LRRC49: variants seen among roughly 807,000 people sequenced by gnomAD.
The protein encoded by LRRC49 is leucine rich repeat containing 49.
Under a neutral mutation model 83.3 loss-of-function variants are expected in LRRC49, and 50 were observed. That is an observed-to-expected ratio of 0.60 (90% confidence interval 0.48 to 0.76). The LOEUF is 0.76. Among genes scored for constraint, LRRC49 ranks in the 30% least tolerant of loss-of-function variants. LRRC49 has a pLI of 0.00. For synonymous variants in LRRC49, 286 were observed against 283.3 expected (o/e 1.01, Z -0.10); for missense variants, 704 against 809.1 (o/e 0.87, Z 1.58).
Position 70,929,152 on chromosome 15 carries a change from T to C in LRRC49, c.712-7609T>C, listed in dbSNP as rs577712977. ...TTTAAAAATGACCGTAGTTTTTTCT[T>C]TGTAGAAGTTCTACATGAATTTTTT... On this transcript the variant is annotated intron_variant, in intron 7 of 15. Coordinates refer to ENST00000260382, the MANE Select transcript of LRRC49 (RefSeq NM_017691.5). Among the ~76,000 whole-genome samples, 15 of 152,358 alleles carry C rather than the reference T, an allele frequency of 9.8e-5. No homozygotes were observed. In the South Asian group the frequency reaches 3.1e-3, roughly 32 times the overall value.
intron 11 of LRRC49, among the ~76,000 whole-genome samples, chr15:70,995,967 G>T (rs2038062168): frequency 6.6e-6 from 1 of 152,098 alleles, no homozygotes; most frequent in African/African-American, 2.4e-5. Flanking sequence ...TGATGTGGGG[G>T]GTTCAATGGA....
chr15:70,922,009 C>G (rs1038358904), intron 7 of LRRC49, among the ~76,000 whole-genome samples: 2 of 152,026 alleles, frequency 1.3e-5, no homozygotes, highest in East Asian at 3.9e-4. Flanking sequence ...GTCTTATATC[C>G]AAAAGACAGG....
At chr15:70,876,804 C>G (rs1330757002) in intron 2 of LRRC49, among the ~76,000 whole-genome samples, 1 of 152,204 alleles carries the variant, frequency 6.6e-6, no homozygotes, top group Non-Finnish European at 1.5e-5. Flanking sequence ...CCATCTCTAA[C>G]AAATTTAATC....
chr15:70,880,182 T>C (rs904535284), intron 2 of LRRC49, among the ~76,000 whole-genome samples: 1 of 152,200 alleles, frequency 6.6e-6, no homozygotes, highest in African/African-American at 2.4e-5. Context: ...TCTGATCATA[T>C]ATGCTCTCCT....
At chr15:70,893,157 A>G (rs1346273544) in intron 1 of LRRC49, 1 of 617,536 alleles carries the variant, frequency 1.6e-6, no homozygotes, top group African/African-American at 1.8e-5. Context: ...TGGGCTCCCC[A>G]GAAGGTGGAG....
chr15:70,959,536 GGGAAGGAAGGAAGGAAGGAAGGAAGGAA>G (rs375526332), intron 8 of LRRC49, among the ~76,000 whole-genome samples: 1,452 of 79,592 alleles, frequency 0.018, 26 homozygotes, highest in South Asian at 0.053. Flanking sequence ...GAGGAAAGGA[GGGAAGGAAGGAAGGAAGGAAGGAAGGAA>G]GGAAGGAAGG....
chr15:70,939,118 A>C (rs1338012649), intron 8 of LRRC49, among the ~76,000 whole-genome samples: 1 of 152,208 alleles, frequency 6.6e-6, no homozygotes, highest in African/African-American at 2.4e-5. Context: ...AAAAATTTGA[A>C]AAATTCTGTG....
intron 12 of LRRC49, 37 bp downstream of exon 12, chr15:71,008,653 T>C: frequency 6.9e-7 from 1 of 1,455,506 alleles, no homozygotes; most frequent in South Asian, 1.2e-5. Context: ...TTGAATATTC[T>C]TAGTCAATGA....
At chr15:71,006,228 AG>A (rs551372910) in intron 11 of LRRC49, among the ~76,000 whole-genome samples, 57 of 152,322 alleles carry the variant, frequency 3.7e-4, no homozygotes, top group African/African-American at 1.3e-3. Context: ...TTACTTGACA[AG>A]CCCTTTACAC....
intron 7 of LRRC49, among the ~76,000 whole-genome samples, chr15:70,929,554 C>A (rs1173415896): frequency 6.6e-6 from 1 of 152,046 alleles, no homozygotes; most frequent in Admixed American, 6.6e-5. Flanking sequence ...ATGGCTGTGG[C>A]GTAAAACTCA....
intron 14 of LRRC49, among the ~76,000 whole-genome samples, chr15:71,020,576 A>G (rs565965621): frequency 6.6e-6 from 1 of 152,192 alleles, no homozygotes; most frequent in East Asian, 1.9e-4. Context: ...AACAACCAGG[A>G]AAAGAGAAGT....
intron 8 of LRRC49, among the ~76,000 whole-genome samples, chr15:70,944,195 A>G (rs989990973): frequency 2.6e-5 from 4 of 152,202 alleles, no homozygotes; most frequent in South Asian, 2.1e-4. Context: ...AGCTGCTTAC[A>G]TAACTGCACC....
intron 1 of LRRC49, among the ~76,000 whole-genome samples, chr15:70,855,761 G>T (rs1360150164): frequency 6.6e-6 from 1 of 152,176 alleles, no homozygotes; most frequent in Non-Finnish European, 1.5e-5. Context: ...GACCTTTGGT[G>T]CTATTGCTGT....
chr15:71,010,135 AAAAGGCTAAGAATCT>A, intron 13 of LRRC49, 143 bp downstream of exon 13: 1 of 485,012 alleles, frequency 2.1e-6, no homozygotes, highest in Non-Finnish European at 3.5e-6. Context: ...TTAAAATGTC[AAAAGGCTAAGAATCT>A]ATTTTAAAAC....
chr15:70,853,996 C>T, intron 1 of LRRC49: 15 of 1,465,192 alleles, frequency 1.0e-5, no homozygotes, highest in Non-Finnish European at 1.4e-5. Context: ...CCTCGTCCTC[C>T]AACTCGTCCA....
At chr15:70,927,560 T>A (rs2035248147) in intron 7 of LRRC49, among the ~76,000 whole-genome samples, 1 of 152,228 alleles carries the variant, frequency 6.6e-6, no homozygotes, top group Admixed American at 6.5e-5. Flanking sequence ...CCTGTCCCAA[T>A]ATCATGACTA....
intron 1 of LRRC49, chr15:70,859,809 A>T (rs1328604266): frequency 5.3e-6 from 4 of 755,180 alleles, no homozygotes; most frequent in Non-Finnish European, 7.4e-6. Flanking sequence ...GCCAGGCAGG[A>T]TATGGTGTGG....
chr15:70,948,429 G>T (rs1292454397), intron 8 of LRRC49, among the ~76,000 whole-genome samples: 1 of 150,290 alleles, frequency 6.7e-6, no homozygotes, highest in East Asian at 2.0e-4. Flanking sequence ...CTGTTAAAAT[G>T]TACTTGTATT....
chr15:70,888,769 A>C (rs910946619), upstream of LRRC49, among the ~76,000 whole-genome samples: 1 of 152,192 alleles, frequency 6.6e-6, no homozygotes, highest in Non-Finnish European at 1.5e-5. Flanking sequence ...AAGAAAAGAC[A>C]GACAATCCAA....
Sources: gnomAD v4.1 joint callset for allele counts (sites outside exome capture counted in the v4.1 genomes callset) on GRCh38, gnomAD v4.1.1 for gene constraint, MANE v1.5 for transcripts, NCBI Gene and HGNC (gene_info 2026-07-23, HGNC 2026-07-21) for gene names.